AKAP6: variants seen among roughly 807,000 people sequenced by gnomAD.
AKAP6 encodes A-kinase anchoring protein 6.
In AKAP6, 58 loss-of-function variants were observed where a neutral mutation model predicts 188.5. The ratio of observed to expected loss-of-function variants is 0.31; its 90% CI spans 0.25 to 0.38. The LOEUF (loss-of-function observed/expected upper bound fraction) is 0.38, where lower values mean the gene tolerates loss of function less well. Among genes scored for constraint, AKAP6 ranks in the 10% least tolerant of loss-of-function variants. The pLI, the probability that AKAP6 is intolerant of heterozygous loss-of-function variation, is 1.00. For missense variants in AKAP6, 2,710 were observed against 2,740.0 expected, an observed-to-expected ratio of 0.99 and a Z score of 0.24; for synonymous variants, 989 against 998.6, an observed-to-expected ratio of 0.99 and a Z score of 0.18.
chr14:32,518,426 C>A (rs1881638059), intron 2 of AKAP6, among the ~76,000 whole-genome samples: 1 of 151,992 alleles, frequency 6.6e-6, no homozygotes, highest in Non-Finnish European at 1.5e-5. Flanking sequence ...GAACCCATCG[C>A]AAAGAAGATA....
intron 13 of AKAP6, among the ~76,000 whole-genome samples, chr14:32,826,014 C>T (rs1360530088): frequency 3.9e-5 from 6 of 151,984 alleles, no homozygotes; most frequent in Non-Finnish European, 8.8e-5. Context: ...ATGTTGTTCC[C>T]ATAATGTATT....
At chr14:32,417,231 T>C (rs1293217420) in intron 1 of AKAP6, among the ~76,000 whole-genome samples, 1 of 152,228 alleles carries the variant, frequency 6.6e-6, no homozygotes, top group East Asian at 1.9e-4. Flanking sequence ...AGAAATATTC[T>C]AAATCTTGTA....
chr14:32,452,962 T>C (rs1018999535), intron 2 of AKAP6, among the ~76,000 whole-genome samples: 4 of 152,194 alleles, frequency 2.6e-5, no homozygotes, highest in African/African-American at 9.6e-5. Context: ...TATGAAGCCA[T>C]CCGTTGTTGG....
At chr14:32,379,648 C>T (rs1178738378) in intron 1 of AKAP6, among the ~76,000 whole-genome samples, 2 of 152,046 alleles carry the variant, frequency 1.3e-5, no homozygotes, top group Non-Finnish European at 1.5e-5. Flanking sequence ...GGTATGTAGA[C>T]TTTGGTCATA....
chr14:32,684,215 G>C (rs1889813450), intron 8 of AKAP6, among the ~76,000 whole-genome samples: 1 of 152,176 alleles, frequency 6.6e-6, no homozygotes. Context: ...GGTAGCAGAG[G>C]CTGAGAGAGC....
intron 3 of AKAP6, among the ~76,000 whole-genome samples, chr14:32,541,369 A>G (rs921445097): frequency 6.6e-6 from 1 of 151,724 alleles, no homozygotes; most frequent in East Asian, 1.9e-4. Flanking sequence ...TTCATGTAAC[A>G]TCACTGATTG....
At chr14:32,628,112 C>T (rs1020062143) in intron 7 of AKAP6, 1 of 151,996 alleles carries the variant, frequency 6.6e-6, no homozygotes, top group Non-Finnish European at 1.5e-5. Flanking sequence ...AGTCAAAGTA[C>T]TTGATTACAC....
At chr14:32,620,825 A>G (rs1886788521) in intron 7 of AKAP6, among the ~76,000 whole-genome samples, 1 of 150,720 alleles carries the variant, frequency 6.6e-6, no homozygotes, top group Non-Finnish European at 1.5e-5. Flanking sequence ...TTTTTTAATT[A>G]TTGATTCATT....
At chr14:32,649,982 C>T (rs1395542441) in intron 7 of AKAP6, among the ~76,000 whole-genome samples, 1 of 152,154 alleles carries the variant, frequency 6.6e-6, no homozygotes, top group Non-Finnish European at 1.5e-5. Flanking sequence ...CTTTTAGAAA[C>T]AGAGGCTGAA....
intron 9 of AKAP6, among the ~76,000 whole-genome samples, chr14:32,704,743 G>C (rs1296244978): frequency 6.6e-6 from 1 of 152,002 alleles, no homozygotes; most frequent in African/African-American, 2.4e-5. Context: ...TGACAAAGAG[G>C]TATTAATATA....
chr14:32,735,767 G>A lies in AKAP6; in HGVS notation c.3257G>A (p.Arg1086Lys), dbSNP rs1275809702. 1.2e-6 allele frequency: 2 copies of A among 1,613,352 alleles called. No individual in the cohort carries two copies. Among genetic ancestry groups the A allele is most frequent in the African/African-American group, 2.7e-5 (2 of 74,806 alleles). ...SGSLVRQLEV[R>K]IKELKGWLRD... The stretch of plus-strand genomic sequence containing the variant: ...AGCCTGGTAAGGCAGCTGGAGGTCA[G>A]GATCAAAGAACTGAAAGGATGGCTA... Residue 1086 changes from arginine to lysine, a missense_variant, in exon 11 of 14, where the codon AGG (arginine) becomes AAG (lysine). Physicochemically the swap from Arg to Lys is conservative, Grantham distance 26. Coordinates refer to ENST00000280979, the MANE Select transcript of AKAP6 (RefSeq NM_004274.5).
intron 2 of AKAP6, among the ~76,000 whole-genome samples, chr14:32,460,651 G>A (rs1031763578): frequency 3.9e-5 from 6 of 152,214 alleles, no homozygotes; most frequent in Non-Finnish European, 2.9e-5. Context: ...AGCTGTTTGG[G>A]CAGACACCAA....
chr14:32,616,611 G>A (rs1252733516), intron 7 of AKAP6, among the ~76,000 whole-genome samples: 1 of 152,104 alleles, frequency 6.6e-6, no homozygotes, highest in Non-Finnish European at 1.5e-5. Flanking sequence ...GTGGAGGGTG[G>A]GAGGAGGGAA....
intron 2 of AKAP6, among the ~76,000 whole-genome samples, chr14:32,478,972 GGA>G (rs1879205698): frequency 6.6e-6 from 1 of 152,092 alleles, no homozygotes; most frequent in South Asian, 2.1e-4. Flanking sequence ...TATTTTGGGG[GGA>G]GAGGAGATGA....
intron 2 of AKAP6, among the ~76,000 whole-genome samples, chr14:32,452,560 A>G (rs1000173675): frequency 2.0e-5 from 3 of 152,148 alleles, no homozygotes; most frequent in Non-Finnish European, 2.9e-5. Context: ...CTGTAATTCC[A>G]GCACTTGGGG....
chr14:32,806,689 A>C (rs1020503499), intron 12 of AKAP6, among the ~76,000 whole-genome samples: 1 of 152,012 alleles, frequency 6.6e-6, no homozygotes, highest in Non-Finnish European at 1.5e-5. Context: ...TACACACACA[A>C]AAAAACTCAG....
chr14:32,546,960 G>A lies in AKAP6; in HGVS notation c.2307G>A (p.Gln769=). 3 of 1,607,290 alleles carry A rather than the reference G, an allele frequency of 1.9e-6. No homozygotes were observed. Among genetic ancestry groups the A allele is most frequent in the Non-Finnish European group, 2.5e-6 (3 of 1,179,630 alleles). ...ALIQKLMQDI[Q]HQDNYEAIWE... ...TTCAGAAACTGATGCAAGATATTCA[G>A]CACCAAGACAACTATGAAGCCATAT... Residue 769 remains glutamine (Q), a synonymous_variant, in exon 4 of 14, where the codon CAG becomes CAA. Coordinates refer to ENST00000280979, the MANE Select transcript of AKAP6 (RefSeq NM_004274.5).
chr14:32,417,336 C>A (rs887378480), intron 1 of AKAP6, among the ~76,000 whole-genome samples: 1 of 151,974 alleles, frequency 6.6e-6, no homozygotes, highest in Non-Finnish European at 1.5e-5. Flanking sequence ...AAATATAAAT[C>A]TTGTTATGCG....
intron 12 of AKAP6, among the ~76,000 whole-genome samples, chr14:32,783,704 A>G (rs1419040450): frequency 6.6e-6 from 1 of 152,132 alleles, no homozygotes; most frequent in Admixed American, 6.5e-5. Flanking sequence ...ATAACCATAT[A>G]ATTTACGTGC....
Sources: gnomAD v4.1 joint callset for allele counts (sites outside exome capture counted in the v4.1 genomes callset) on GRCh38, gnomAD v4.1.1 for gene constraint, MANE v1.5 for transcripts, NCBI Gene and HGNC (gene_info 2026-07-23, HGNC 2026-07-21) for gene names.